Variants in NEDD4L observed in about 807,000 individuals in gnomAD.
NEDD4L encodes E3 ubiquitin-protein ligase NEDD4-like.
In NEDD4L, 54 loss-of-function variants were observed where a neutral mutation model predicts 148.9. The observed-to-expected ratio is 0.36, with a 90% CI of 0.29 to 0.45. NEDD4L has a LOEUF of 0.45. Ranked by LOEUF, NEDD4L falls within the 20% of genes least tolerant of loss-of-function variation. The pLI is 1.00. For synonymous variants in NEDD4L, 433 were observed against 440.7 expected (o/e 0.98, Z 0.22); for missense variants, 856 against 1,233.8 (o/e 0.69, Z 4.59).
At chr18:58,102,161 A>T (rs1404063079) in intron 1 of NEDD4L, among the ~76,000 whole-genome samples, 1 of 151,612 alleles carries the variant, frequency 6.6e-6, no homozygotes, top group Non-Finnish European at 1.5e-5. Flanking sequence ...CTTTCTTCTC[A>T]TCTTCTTCCC....
intron 1 of NEDD4L, among the ~76,000 whole-genome samples, chr18:58,079,381 G>A (rs962726059): frequency 6.6e-6 from 1 of 152,150 alleles, no homozygotes; most frequent in Admixed American, 6.5e-5. Flanking sequence ...GTGTTCATAC[G>A]CTTCCTCAGT....
At chr18:58,348,618 C>T (rs2043442390) in intron 16 of NEDD4L, among the ~76,000 whole-genome samples, 1 of 152,126 alleles carries the variant, frequency 6.6e-6, no homozygotes, top group Admixed American at 6.5e-5. Context: ...CCGGCCTACA[C>T]TGCATTTTAA....
chr18:58,242,698 G>T (rs1464608015), intron 2 of NEDD4L, among the ~76,000 whole-genome samples: 9 of 152,132 alleles, frequency 5.9e-5, no homozygotes, highest in Admixed American at 4.6e-4. Context: ...TAGAGATGGG[G>T]TTTCGCCATG....
chr18:58,258,148 C>T (rs2048848010), intron 5 of NEDD4L, among the ~76,000 whole-genome samples: 1 of 152,106 alleles, frequency 6.6e-6, no homozygotes, highest in Admixed American at 6.5e-5. Context: ...TTCATTATCT[C>T]AAACTCTTCT....
At chr18:58,290,023 A>G (rs1030387138) in intron 5 of NEDD4L, among the ~76,000 whole-genome samples, 7 of 152,240 alleles carry the variant, frequency 4.6e-5, no homozygotes, top group Admixed American at 6.5e-5. Flanking sequence ...ATATTCATCT[A>G]TTTGTATGAT....
intron 1 of NEDD4L, among the ~76,000 whole-genome samples, chr18:58,152,098 T>C (rs1337442237): frequency 2.2e-5 from 3 of 136,576 alleles, no homozygotes; most frequent in Non-Finnish European, 4.9e-5. Flanking sequence ...CTCATGTTCT[T>C]CAGAAAAATT....
intron 1 of NEDD4L, among the ~76,000 whole-genome samples, chr18:58,050,282 G>C (rs2081805676): frequency 1.3e-5 from 2 of 151,492 alleles, no homozygotes; most frequent in African/African-American, 4.9e-5. Flanking sequence ...GTGAAACCCT[G>C]TCTCTACAAA....
At chr18:58,335,713 T>C in intron 13 of NEDD4L, 176 bp downstream of exon 13, 1 of 540,720 alleles carries the variant, frequency 1.8e-6, no homozygotes, top group Non-Finnish European at 3.3e-6. Context: ...AGGTACTGGG[T>C]AAAATAGAAT....
chr18:58,379,307 G>A (rs529238137), intron 24 of NEDD4L, among the ~76,000 whole-genome samples: 14 of 152,214 alleles, frequency 9.2e-5, no homozygotes, highest in Non-Finnish European at 1.8e-4. Flanking sequence ...GGGCGCTGCC[G>A]CAGCACCTAT....
rs1223999917 is a variant in NEDD4L, at chr18:58,344,153, G to A, written c.1575+1050G>A. ...TACACCATTAATTCCCATTTCTAGTGATGGACATTAAGTGTGTCCATTTGA... is the reference window on the plus strand; with the variant it reads ...TACACCATTAATTCCCATTTCTAGTAATGGACATTAAGTGTGTCCATTTGA... On this transcript the variant is annotated intron_variant, in intron 16 of 30. Coordinates refer to ENST00000400345, the MANE Select transcript of NEDD4L (RefSeq NM_001144967.3). Among the ~76,000 whole-genome samples the A allele has an allele frequency of 3.9e-5, 6 of 152,198 alleles. No homozygotes were observed. The East Asian group carries it at 9.6e-4, about 24-fold the overall frequency.
At chr18:58,173,753 G>A (rs2037778722) in intron 2 of NEDD4L, among the ~76,000 whole-genome samples, 1 of 152,116 alleles carries the variant, frequency 6.6e-6, no homozygotes, top group Non-Finnish European at 1.5e-5. Flanking sequence ...TATAACTGTA[G>A]TACTGTTCTC....
chr18:58,223,509 G>A (rs1023270424), intron 2 of NEDD4L, among the ~76,000 whole-genome samples: 6 of 152,178 alleles, frequency 3.9e-5, no homozygotes. Flanking sequence ...TGACGGTTCT[G>A]TTGGGATGGG....
At chr18:58,044,840 C>T (rs982034250) in intron 1 of NEDD4L, 132 bp downstream of exon 1, 1 of 1,154,750 alleles carries the variant, frequency 8.7e-7, no homozygotes. Context: ...AGCGGGAGCG[C>T]CCCGGAGCGG....
chr18:58,342,275 C>T (rs747769030), intron 15 of NEDD4L, among the ~76,000 whole-genome samples: 7 of 152,200 alleles, frequency 4.6e-5, no homozygotes, highest in Non-Finnish European at 8.8e-5. Context: ...GGCTGGGCAT[C>T]TGCTTGTGCT....
intron 18 of NEDD4L, among the ~76,000 whole-genome samples, chr18:58,355,205 G>A (rs1007461323): frequency 6.6e-6 from 1 of 152,160 alleles, no homozygotes; most frequent in African/African-American, 2.4e-5. Flanking sequence ...GACGCCCAGA[G>A]AACAGTTCAG....
chr18:58,315,352 A>C (rs1414242939), intron 5 of NEDD4L, among the ~76,000 whole-genome samples: 1 of 151,948 alleles, frequency 6.6e-6, no homozygotes, highest in Non-Finnish European at 1.5e-5. Context: ...GGCCTCTTTG[A>C]AGTCGGGAGA....
At chr18:58,283,740 A>G (rs960556797) in intron 5 of NEDD4L, among the ~76,000 whole-genome samples, 5 of 152,178 alleles carry the variant, frequency 3.3e-5, no homozygotes, top group Admixed American at 3.3e-4. Flanking sequence ...TCATTGCTAC[A>G]GGTTGAATTG....
chr18:58,171,752 A>G (rs940450591), intron 2 of NEDD4L, among the ~76,000 whole-genome samples: 7 of 152,194 alleles, frequency 4.6e-5, no homozygotes, highest in African/African-American at 1.7e-4. Context: ...TCTCCCAAGC[A>G]TCTAGGAGAG....
chr18:58,225,008 G>A (rs2044195102), intron 2 of NEDD4L, among the ~76,000 whole-genome samples: 1 of 152,074 alleles, frequency 6.6e-6, no homozygotes, highest in South Asian at 2.1e-4. Flanking sequence ...ATTGATAGGG[G>A]CCACCCACTC....
Sources: gnomAD v4.1 joint callset for allele counts (sites outside exome capture counted in the v4.1 genomes callset) on GRCh38, gnomAD v4.1.1 for gene constraint, MANE v1.5 for transcripts, NCBI Gene and HGNC (gene_info 2026-07-23, HGNC 2026-07-21) for gene names.